SORCS3: variants seen among roughly 807,000 people sequenced by gnomAD.
SORCS3 encodes sortilin related VPS10 domain containing receptor 3.
Under a neutral mutation model 146.3 loss-of-function variants are expected in SORCS3, and 57 were observed. That is an observed-to-expected ratio of 0.39 (90% CI 0.31 to 0.49). The LOEUF (loss-of-function observed/expected upper bound fraction) is 0.49, where lower values mean the gene tolerates loss of function less well. Ranked by LOEUF, SORCS3 falls within the 20% of genes least tolerant of loss-of-function variation. SORCS3 has a pLI of 0.92. For missense variants in SORCS3, 1,341 were observed against 1,575.5 expected (o/e 0.85, Z 2.52); for synonymous variants, 653 against 618.5 (o/e 1.06, Z -0.83).
intron 9 of SORCS3, among the ~76,000 whole-genome samples, chr10:105,148,171 G>T (rs923372933): frequency 2.0e-5 from 3 of 151,948 alleles, no homozygotes; most frequent in Non-Finnish European, 4.4e-5. Context: ...TGGAGGGAGT[G>T]GTGCTACTTA....
chr10:104,749,380 G>C (rs1285617465), intron 1 of SORCS3, among the ~76,000 whole-genome samples: 1 of 151,898 alleles, frequency 6.6e-6, no homozygotes, highest in Non-Finnish European at 1.5e-5. Flanking sequence ...TGCATCAGCT[G>C]TTTTCCTAGT....
intron 14 of SORCS3, among the ~76,000 whole-genome samples, chr10:105,198,712 C>CT (rs970752552): frequency 2.0e-5 from 3 of 151,906 alleles, no homozygotes; most frequent in African/African-American, 7.3e-5. Context: ...AGAGTTTCTC[C>CT]TACCCCATGC....
chr10:105,179,877 C>T (rs899914282), intron 14 of SORCS3, among the ~76,000 whole-genome samples: 1 of 152,172 alleles, frequency 6.6e-6, no homozygotes, highest in South Asian at 2.1e-4. Context: ...GAATGCTTAG[C>T]TTTGCCGTTG....
At chr10:104,951,435 T>C (rs2019427866) in intron 3 of SORCS3, among the ~76,000 whole-genome samples, 1 of 152,160 alleles carries the variant, frequency 6.6e-6, no homozygotes, top group South Asian at 2.1e-4. Flanking sequence ...TGGGCCCAAG[T>C]GATCCTTAAG....
At chr10:104,757,857 ACC>A (rs5787547) in intron 1 of SORCS3, among the ~76,000 whole-genome samples, 2,096 of 65,088 alleles carry the variant, frequency 0.032, 20 homozygotes, top group Non-Finnish European at 0.044. Context: ...CACTGCCACC[ACC>A]CCCCCCCCCA....
intron 3 of SORCS3, among the ~76,000 whole-genome samples, chr10:104,955,322 GT>G (rs1274070232): frequency 6.6e-5 from 10 of 150,410 alleles, no homozygotes; most frequent in African/African-American, 2.0e-4. Context: ...TGTTTTCGAA[GT>G]TTTTTTCATA....
chr10:104,940,238 A>ATATATATTTTTTT (rs1435205868), intron 3 of SORCS3, among the ~76,000 whole-genome samples: 1 of 31,504 alleles, frequency 3.2e-5, no homozygotes, highest in Non-Finnish European at 6.1e-5. Context: ...ATATATATAT[A>ATATATATTTTTTT]TTTTTTTTTT....
chr10:105,204,615 A>G (rs2056591546), intron 16 of SORCS3, among the ~76,000 whole-genome samples: 1 of 152,114 alleles, frequency 6.6e-6, no homozygotes, highest in Non-Finnish European at 1.5e-5. Flanking sequence ...CTCATATTAA[A>G]AAGAATATAG....
intron 7 of SORCS3, among the ~76,000 whole-genome samples, chr10:105,117,043 T>TA (rs948810297): frequency 3.8e-3 from 547 of 144,116 alleles, no homozygotes; most frequent in South Asian, 0.022. Context: ...AAATAAAAGT[T>TA]AAAAAAAAAA....
chr10:104,990,323 C>T (rs757423600), intron 4 of SORCS3, among the ~76,000 whole-genome samples: 6 of 152,192 alleles, frequency 3.9e-5, no homozygotes, highest in Non-Finnish European at 5.9e-5. Context: ...ATATTGACTG[C>T]GTTCTCTTAC....
At position 105,201,239 on chromosome 10, in the gene SORCS3, T is replaced by C. The variant is rs757178584; in HGVS notation, c.2247T>C (p.Asn749=). The stretch of plus-strand genomic sequence containing the variant: ...TCTCAGAACCCTGTGTCTGTGCCAA[T>C]TGGGACTTCGAGTGGTGAGTTGTTT... ...SVVSEPCVCA[N]WDFECDYGYE... is the part of the protein sequence containing the mutation. Residue 749 remains asparagine, a synonymous_variant, in exon 16 of 27, where the codon AAT becomes AAC. Transcript: ENST00000369701. The C allele has an allele frequency of 4.4e-6, 7 of 1,607,998 alleles. No homozygotes were observed. The South Asian group carries it at 6.7e-5, about 15-fold the overall frequency.
chr10:104,718,955 C>T (rs2016511628), intron 1 of SORCS3, among the ~76,000 whole-genome samples: 3 of 152,054 alleles, frequency 2.0e-5, no homozygotes, highest in Non-Finnish European at 1.5e-5. Flanking sequence ...ACATGTGCCA[C>T]ATCTGCAATG....
chr10:104,828,452 A>G (rs887086338), intron 1 of SORCS3, among the ~76,000 whole-genome samples: 4 of 152,182 alleles, frequency 2.6e-5, no homozygotes, highest in African/African-American at 7.2e-5. Flanking sequence ...TTATATGGGC[A>G]TGGTTCATGG....
At chr10:105,157,726 G>A (rs2056223690) in intron 10 of SORCS3, among the ~76,000 whole-genome samples, 1 of 152,202 alleles carries the variant, frequency 6.6e-6, no homozygotes, top group Non-Finnish European at 1.5e-5. Context: ...TAATCTATCA[G>A]CATTTCCAGG....
intron 1 of SORCS3, among the ~76,000 whole-genome samples, chr10:104,729,910 A>G (rs956843507): frequency 1.3e-5 from 2 of 152,234 alleles, no homozygotes; most frequent in Admixed American, 6.5e-5. Flanking sequence ...GAGTGAGTGT[A>G]CTTAATCTCT....
intron 1 of SORCS3, among the ~76,000 whole-genome samples, chr10:104,691,898 A>C (rs539767020): frequency 1.3e-5 from 2 of 152,110 alleles, no homozygotes; most frequent in South Asian, 4.2e-4. Context: ...GGACCACCAC[A>C]CCTGGCTAAT....
At chr10:104,653,735 A>T (rs1030490233) in intron 1 of SORCS3, among the ~76,000 whole-genome samples, 4 of 152,222 alleles carry the variant, frequency 2.6e-5, no homozygotes, top group Non-Finnish European at 4.4e-5. Context: ...ACAGATATGC[A>T]TTGCATAATA....
At chr10:105,179,094 T>TA (rs1287529974) in intron 14 of SORCS3, among the ~76,000 whole-genome samples, 2 of 152,322 alleles carry the variant, frequency 1.3e-5, no homozygotes, top group East Asian at 1.9e-4. Context: ...TGATCAGTTA[T>TA]AAAAAAATTC....
At position 105,201,125 on chromosome 10, in the gene SORCS3, G is replaced by T. The variant is rs758387855; in HGVS notation, c.2133G>T (p.Glu711Asp). The T allele has an allele frequency of 4.3e-6, 7 of 1,612,676 alleles. No individual in the cohort carries two copies. Among genetic ancestry groups the T allele is most frequent in the Non-Finnish European group, 5.9e-6 (7 of 1,179,312 alleles). ...CTATGGAATTTCTCTCTAAGGGAGAGCCTTGTGTCATGGGAGAAAGGAAAA... is the reference window on the plus strand; with the variant it reads ...CTATGGAATTTCTCTCTAAGGGAGATCCTTGTGTCATGGGAGAAAGGAAAA... ...YQTWHLLNQG[E>D]PCVMGERKIF... Residue 711 changes from glutamate to aspartate, a missense_variant, in exon 16 of 27, where the codon GAG becomes GAT. Coordinates refer to ENST00000369701, the MANE Select transcript of SORCS3 (RefSeq NM_014978.3).
Sources: gnomAD v4.1 joint callset for allele counts (sites outside exome capture counted in the v4.1 genomes callset) on GRCh38, gnomAD v4.1.1 for gene constraint, MANE v1.5 for transcripts, NCBI Gene and HGNC (gene_info 2026-07-23, HGNC 2026-07-21) for gene names.